Variants in DPP6 observed in about 807,000 individuals in gnomAD.
The protein encoded by DPP6 is A-type potassium channel modulatory protein DPP6.
Under a neutral mutation model 122.6 loss-of-function variants are expected in DPP6, and 69 were observed. The ratio of observed to expected loss-of-function variants is 0.56; its 90% CI spans 0.46 to 0.69. The LOEUF is 0.69. Among genes scored for constraint, DPP6 ranks in the 30% least tolerant of loss-of-function variants. The pLI is 0.00. For synonymous variants in DPP6, 418 were observed against 433.1 expected, an observed-to-expected ratio of 0.97 and a Z score of 0.43; for missense variants, 928 against 1,116.9, an observed-to-expected ratio of 0.83 and a Z score of 2.41.
At chr7:154,727,992 A>T in intron 8 of DPP6, 105 bp downstream of exon 8, 2 of 1,473,712 alleles carry the variant, frequency 1.4e-6, no homozygotes, top group Non-Finnish European at 1.8e-6. Context: ...TGTAAATTAA[A>T]CTCCAGTTTC....
At chr7:154,436,184 C>T (rs895727116) in intron 1 of DPP6, among the ~76,000 whole-genome samples, 5 of 150,938 alleles carry the variant, frequency 3.3e-5, no homozygotes, top group African/African-American at 9.8e-5. Context: ...GCACGGTCCA[C>T]GAGGCTGGGC....
intron 20 of DPP6, 105 bp from the exon 21 acceptor site, chr7:154,880,783 G>A: frequency 1.9e-6 from 3 of 1,583,858 alleles, no homozygotes; most frequent in Non-Finnish European, 2.6e-6. Flanking sequence ...TTTGAAGAGG[G>A]GTTTTCATCC....
At chr7:153,984,784 G>A (rs1436002078) in intron 1 of DPP6, among the ~76,000 whole-genome samples, 1 of 152,136 alleles carries the variant, frequency 6.6e-6, no homozygotes, top group Non-Finnish European at 1.5e-5. Flanking sequence ...TATGTGGAGT[G>A]CTCTGATCTC....
At chr7:153,965,605 T>C (rs558320685) in intron 1 of DPP6, among the ~76,000 whole-genome samples, 185 of 152,250 alleles carry the variant, frequency 1.2e-3, no homozygotes, top group South Asian at 3.7e-3. Flanking sequence ...CTCCACCTCC[T>C]GGGTTCACGC....
intron 1 of DPP6, among the ~76,000 whole-genome samples, chr7:153,977,258 T>C (rs1277466421): frequency 1.3e-5 from 2 of 152,046 alleles, no homozygotes; most frequent in Non-Finnish European, 2.9e-5. Flanking sequence ...TTACAAAATT[T>C]GACCATGACT....
chr7:154,546,666 T>C (rs533585158), intron 4 of DPP6, among the ~76,000 whole-genome samples: 1 of 152,316 alleles, frequency 6.6e-6, no homozygotes, highest in African/African-American at 2.4e-5. Context: ...TAATCATAGA[T>C]GTAGAATTTG....
At chr7:154,190,329 A>C (rs147443128) in intron 1 of DPP6, among the ~76,000 whole-genome samples, 1 of 152,194 alleles carries the variant, frequency 6.6e-6, no homozygotes, top group East Asian at 1.9e-4. Flanking sequence ...GTTGGCTAGA[A>C]TACCCAGGGG....
chr7:153,791,019 T>C, the DPP6 span, among the ~76,000 whole-genome samples: 3 of 152,208 alleles, frequency 2.0e-5, no homozygotes, highest in Non-Finnish European at 4.4e-5. Flanking sequence ...GGTTTGACTT[T>C]TCATGATATA....
chr7:154,448,647 T>G (rs1280088610), intron 2 of DPP6, among the ~76,000 whole-genome samples: 1 of 152,186 alleles, frequency 6.6e-6, no homozygotes, highest in Non-Finnish European at 1.5e-5. Flanking sequence ...TTCAAAGACT[T>G]ATACCTCCTG....
At chr7:154,111,861 T>A (rs1806606747) in intron 1 of DPP6, among the ~76,000 whole-genome samples, 1 of 152,214 alleles carries the variant, frequency 6.6e-6, no homozygotes, top group South Asian at 2.1e-4. Context: ...GGGGTAATGT[T>A]ACCACATTAT....
intron 1 of DPP6, among the ~76,000 whole-genome samples, chr7:154,017,628 A>AG (rs1455843525): frequency 6.6e-6 from 1 of 151,480 alleles, no homozygotes; most frequent in Non-Finnish European, 1.5e-5. Flanking sequence ...TGAGCCCGGA[A>AG]TTTTAAGGTT....
chr7:154,638,238 G>A (rs990752490), intron 6 of DPP6, among the ~76,000 whole-genome samples: 43 of 152,304 alleles, frequency 2.8e-4, no homozygotes, highest in African/African-American at 9.9e-4. Flanking sequence ...CCTCCCACGA[G>A]GGTTCCTGGT....
At chr7:154,285,562 C>T (rs987076539) in intron 1 of DPP6, among the ~76,000 whole-genome samples, 6 of 152,114 alleles carry the variant, frequency 3.9e-5, no homozygotes, top group African/African-American at 1.4e-4. Context: ...ACTGCTCCCA[C>T]CCTCCTACTA....
intron 1 of DPP6, among the ~76,000 whole-genome samples, chr7:154,413,866 C>CT (rs1237171060): frequency 6.6e-6 from 1 of 152,072 alleles, no homozygotes; most frequent in African/African-American, 2.4e-5. Context: ...AAGCAATTTG[C>CT]TTTTTCATGA....
intron 3 of DPP6, among the ~76,000 whole-genome samples, chr7:154,479,445 C>T (rs953965447): frequency 2.6e-5 from 4 of 151,528 alleles, no homozygotes; most frequent in African/African-American, 7.3e-5. Flanking sequence ...GTAGTCCCAG[C>T]TACTCGGGAG....
intron 4 of DPP6, among the ~76,000 whole-genome samples, chr7:154,543,334 C>G (rs1828880432): frequency 6.6e-6 from 1 of 152,174 alleles, no homozygotes; most frequent in African/African-American, 2.4e-5. Flanking sequence ...ACCTCATTCT[C>G]TTTCCCGAGC....
chr7:154,565,886 G>T (rs1343677404), intron 4 of DPP6, among the ~76,000 whole-genome samples: 10 of 152,200 alleles, frequency 6.6e-5, no homozygotes, highest in African/African-American at 2.2e-4. Flanking sequence ...GCCTGAGCAT[G>T]CATAGAGTGA....
At chr7:154,658,901 T>G (rs1837442990) in intron 6 of DPP6, among the ~76,000 whole-genome samples, 1 of 152,134 alleles carries the variant, frequency 6.6e-6, no homozygotes, top group Non-Finnish European at 1.5e-5. Context: ...AAGGTGTTGA[T>G]GTGGAGGAGG....
intron 1 of DPP6, among the ~76,000 whole-genome samples, chr7:154,082,853 T>C (rs1366003088): frequency 3.5e-5 from 5 of 142,336 alleles, no homozygotes; most frequent in Middle Eastern, 3.6e-3. Flanking sequence ...TTTCTTTTTT[T>C]TTTTTTTTTT....
Sources: gnomAD v4.1 joint callset for allele counts (sites outside exome capture counted in the v4.1 genomes callset) on GRCh38, gnomAD v4.1.1 for gene constraint, MANE v1.5 for transcripts, NCBI Gene and HGNC (gene_info 2026-07-23, HGNC 2026-07-21) for gene names.